Variants in MFHAS1 observed in about 807,000 individuals in gnomAD.
The protein encoded by MFHAS1 is malignant fibrous histiocytoma-amplified sequence 1.
Under a neutral mutation model 70.4 loss-of-function variants are expected in MFHAS1, and 50 were observed. The ratio of observed to expected loss-of-function variants is 0.71; its 90% CI spans 0.57 to 0.90. MFHAS1 has a LOEUF of 0.90. Ranked by LOEUF, MFHAS1 falls within the 40% of genes least tolerant of loss-of-function variation. MFHAS1 has a pLI of 0.00. For missense variants in MFHAS1, 1,795 were observed against 1,347.6 expected, an observed-to-expected ratio of 1.33 and a Z score of -5.20; for synonymous variants, 952 against 620.0, an observed-to-expected ratio of 1.54 and a Z score of -7.96.
chr8:8,828,674 ATGCCCAC>A (rs1374254469), intron 1 of MFHAS1, among the ~76,000 whole-genome samples: 2 of 152,232 alleles, frequency 1.3e-5, no homozygotes, highest in Non-Finnish European at 2.9e-5. Flanking sequence ...ATAACTGGAG[ATGCCCAC>A]TGCCCACTAA....
intron 1 of MFHAS1, among the ~76,000 whole-genome samples, chr8:8,823,564 T>A (rs145453803): frequency 1.3e-5 from 2 of 152,014 alleles, no homozygotes; most frequent in Admixed American, 1.3e-4. Flanking sequence ...AAAATATATT[T>A]TCTACTTAAT....
chr8:8,810,571 T>G (rs143971997), intron 1 of MFHAS1, among the ~76,000 whole-genome samples: 256 of 152,322 alleles, frequency 1.7e-3, no homozygotes, highest in African/African-American at 5.8e-3. Flanking sequence ...CACTGAACAG[T>G]AAATACATTT....
intron 1 of MFHAS1, among the ~76,000 whole-genome samples, chr8:8,861,608 T>A (rs369121644): frequency 6.6e-6 from 1 of 152,324 alleles, no homozygotes; most frequent in East Asian, 1.9e-4. Context: ...GTAATAAAAT[T>A]CACCAATTTT....
In MFHAS1 at chr8:8,787,242, G is replaced by A. The variant is rs568833245; in HGVS notation, c.3126-1187C>T. ...ACTACATGTGCCCGCCACCACACGC[G>A]GCTAATTTTTTGCATTTTTAGTAGA... On this transcript the variant is annotated intron_variant, in intron 2 of 2. Transcript: ENST00000276282. Among the ~76,000 whole-genome samples, 10 of 151,988 alleles carry A rather than the reference G, an allele frequency of 6.6e-5. No homozygotes were observed. The East Asian group carries it at 1.2e-3, about 18-fold the overall frequency.
At chr8:8,830,244 G>A (rs1270446297) in intron 1 of MFHAS1, among the ~76,000 whole-genome samples, 4 of 152,178 alleles carry the variant, frequency 2.6e-5, no homozygotes, top group African/African-American at 9.7e-5. Context: ...GCTCAAGGAA[G>A]AAATGACTGT....
chr8:8,830,833 G>C (rs1454495620), intron 1 of MFHAS1, among the ~76,000 whole-genome samples: 4 of 152,154 alleles, frequency 2.6e-5, no homozygotes, highest in African/African-American at 7.2e-5. Context: ...CTGACCTCAG[G>C]TGATCCGCCC....
chr8:8,813,259 T>C (rs1409603884), intron 1 of MFHAS1, among the ~76,000 whole-genome samples: 1 of 152,258 alleles, frequency 6.6e-6, no homozygotes, highest in Non-Finnish European at 1.5e-5. Flanking sequence ...CATACAATTA[T>C]GTACAGTATA....
chr8:8,848,171 C>A (rs1808103054), intron 1 of MFHAS1, among the ~76,000 whole-genome samples: 1 of 152,210 alleles, frequency 6.6e-6, no homozygotes, highest in Admixed American at 6.5e-5. Flanking sequence ...TTTAGCCGAG[C>A]TCCCAGAGTG....
chr8:8,812,269 AG>A (rs1362933316), intron 1 of MFHAS1, among the ~76,000 whole-genome samples: 1 of 152,096 alleles, frequency 6.6e-6, no homozygotes, highest in Non-Finnish European at 1.5e-5. Context: ...TTAGTGGTTC[AG>A]GGGTGTGGGG....
intron 1 of MFHAS1, among the ~76,000 whole-genome samples, chr8:8,832,825 A>C (rs1341064192): frequency 6.6e-6 from 1 of 151,960 alleles, no homozygotes; most frequent in Non-Finnish European, 1.5e-5. Flanking sequence ...TGTCGAGGCG[A>C]GGTCTCTTTT....
chr8:8,830,371 G>C (rs762472056), intron 1 of MFHAS1, among the ~76,000 whole-genome samples: 1 of 152,154 alleles, frequency 6.6e-6, no homozygotes, highest in African/African-American at 2.4e-5. Context: ...TTCATCAAAC[G>C]ATTTGGCTTT....
At chr8:8,869,335 G>C (rs1232228027) in intron 1 of MFHAS1, among the ~76,000 whole-genome samples, 2 of 152,106 alleles carry the variant, frequency 1.3e-5, no homozygotes, top group Non-Finnish European at 2.9e-5. Flanking sequence ...TAGAACAAAA[G>C]CTGATTCGTT....
intron 1 of MFHAS1, among the ~76,000 whole-genome samples, chr8:8,867,677 C>A (rs1808914266): frequency 6.6e-6 from 1 of 151,890 alleles, no homozygotes; most frequent in Non-Finnish European, 1.5e-5. Context: ...CCTGCCTCAG[C>A]CTCCCAAGTA....
intron 1 of MFHAS1, among the ~76,000 whole-genome samples, chr8:8,841,307 T>C (rs1807813667): frequency 6.6e-6 from 1 of 151,992 alleles, no homozygotes; most frequent in South Asian, 2.1e-4. Context: ...AAACCCCATC[T>C]CTACTAAAAA....
chr8:8,887,257 C>T (rs1315382587), intron 1 of MFHAS1, among the ~76,000 whole-genome samples: 1 of 152,144 alleles, frequency 6.6e-6, no homozygotes, highest in Admixed American at 6.5e-5. Context: ...GTATGCTCTA[C>T]TTAAACACTC....
intron 1 of MFHAS1, among the ~76,000 whole-genome samples, chr8:8,844,502 C>T (rs940608458): frequency 4.6e-5 from 7 of 152,176 alleles, no homozygotes; most frequent in Non-Finnish European, 1.5e-5. Flanking sequence ...GACTCTTGCA[C>T]CAGCTTCTTA....
At position 8,890,872 on chromosome 8, in the gene MFHAS1, G is replaced by T. The variant is rs771590776; in HGVS notation, c.2187C>A (p.Asn729Lys). Residue 729 changes from asparagine (N) to lysine (K), a missense_variant, in exon 1 of 3, where the codon AAC (asparagine) becomes AAA (lysine). Physicochemically the swap from Asn to Lys is moderately conservative, Grantham distance 94. Coordinates refer to ENST00000276282, the MANE Select transcript of MFHAS1 (RefSeq NM_004225.3). ...TGAGGATGTCGATGAGGCGGGTGAG[G>T]TTGTGGAAGACGTGCTCCTTGAGAG... ...SPALKEHVFHNLTRLIDILNV... is the reference protein window; with the variant it reads ...SPALKEHVFHKLTRLIDILNV... 1.2e-6 allele frequency: 2 copies of T among 1,614,120 alleles called. No homozygotes were observed. Among genetic ancestry groups the T allele is most frequent in the South Asian group, 1.1e-5 (1 of 91,088 alleles).
At chr8:8,849,783 T>C (rs966147721) in intron 1 of MFHAS1, among the ~76,000 whole-genome samples, 4 of 152,260 alleles carry the variant, frequency 2.6e-5, no homozygotes, top group African/African-American at 9.6e-5. Context: ...GCAAAAGTTA[T>C]CTCCTTTCCC....
At chr8:8,806,601 C>T (rs1806298600) in intron 1 of MFHAS1, among the ~76,000 whole-genome samples, 1 of 152,142 alleles carries the variant, frequency 6.6e-6, no homozygotes, top group Admixed American at 6.5e-5. Flanking sequence ...ATACAAATTG[C>T]AATAACACAA....
Sources: allele counts gnomAD v4.1 joint callset (sites outside exome capture counted in the v4.1 genomes callset), GRCh38; gene constraint gnomAD v4.1.1; transcripts MANE v1.5; gene names NCBI Gene and HGNC (gene_info 2026-07-23, HGNC 2026-07-21).